Variants in EFNA5 observed in about 807,000 individuals in gnomAD.
EFNA5 encodes the protein ephrin-A5.
EFNA5 carries 5 observed loss-of-function variants against 22.9 expected under a neutral mutation model. The observed-to-expected ratio is 0.22, with a 90% CI of 0.11 to 0.46. The LOEUF is 0.46. EFNA5 is among the 20% of genes least tolerant of loss of function. EFNA5 has a pLI of 0.99. For missense variants in EFNA5, 237 were observed against 293.3 expected, an observed-to-expected ratio of 0.81 and a Z score of 1.40; for synonymous variants, 113 against 112.2, an observed-to-expected ratio of 1.01 and a Z score of -0.04.
At chr5:107,393,594 T>C (rs573793745) in intron 2 of EFNA5, among the ~76,000 whole-genome samples, 1 of 152,298 alleles carries the variant, frequency 6.6e-6, no homozygotes, top group East Asian at 1.9e-4. Flanking sequence ...GGGGGAGCGT[T>C]AAAAATGCAG....
At chr5:107,388,277 G>A (rs2112488681) in intron 2 of EFNA5, among the ~76,000 whole-genome samples, 1 of 152,288 alleles carries the variant, frequency 6.6e-6, no homozygotes, top group East Asian at 1.9e-4. Flanking sequence ...TGTACTGAAA[G>A]CTTGTCTGTC....
At chr5:107,571,308 C>T (rs1311005594) in intron 1 of EFNA5, among the ~76,000 whole-genome samples, 1 of 152,096 alleles carries the variant, frequency 6.6e-6, no homozygotes, top group Non-Finnish European at 1.5e-5. Context: ...GTGGCTCAGG[C>T]GTTCAAGAAA....
intron 1 of EFNA5, among the ~76,000 whole-genome samples, chr5:107,610,985 A>C (rs1311208589): frequency 6.6e-6 from 1 of 152,214 alleles, no homozygotes; most frequent in Non-Finnish European, 1.5e-5. Flanking sequence ...AGAGACACTC[A>C]TGATGACTCA....
rs1747441007 is a variant in EFNA5, at chr5:107,381,042, G to A, written c.*213C>T. 1.7e-6 allele frequency: 1 copy of A among 591,506 alleles called. No individual in the cohort carries two copies. Among genetic ancestry groups the A allele is most frequent in the South Asian group, 3.0e-5 (1 of 32,826 alleles). 36.6% of individuals were successfully genotyped at this position (591,506 alleles called of 1,614,324 possible). On this transcript the variant is annotated 3_prime_UTR_variant, in exon 5 of 5. Transcript: ENST00000333274. ...TGAGAGAAGCCAAGGGCCAGGGCTG[G>A]GGGTGGGGCGGGGTGGGGTGAGGGA...
chr5:107,473,592 T>C (rs1467035561), intron 1 of EFNA5, among the ~76,000 whole-genome samples: 2 of 152,154 alleles, frequency 1.3e-5, no homozygotes, highest in Non-Finnish European at 2.9e-5. Flanking sequence ...CCATGACACA[T>C]TCTTCCAGCT....
chr5:107,512,452 GT>G (rs112494421), intron 1 of EFNA5, among the ~76,000 whole-genome samples: 8 of 151,034 alleles, frequency 5.3e-5, no homozygotes, highest in Admixed American at 2.6e-4. Flanking sequence ...ACTCTAGCCT[GT>G]TTTTTTTTAC....
intron 2 of EFNA5, among the ~76,000 whole-genome samples, chr5:107,418,740 T>C (rs1748573967): frequency 6.6e-6 from 1 of 152,234 alleles, no homozygotes; most frequent in Non-Finnish European, 1.5e-5. Flanking sequence ...TGAATTTCCA[T>C]CAAGTCCTGA....
chr5:107,387,886 A>G (rs1291837128), intron 2 of EFNA5, 115 bp from the exon 3 acceptor site: 1 of 706,856 alleles, frequency 1.4e-6, no homozygotes, highest in South Asian at 2.1e-5. Context: ...GAACAACAGG[A>G]ACTTTCTCTA....
At chr5:107,500,346 A>G (rs184753600) in intron 1 of EFNA5, among the ~76,000 whole-genome samples, 116 of 152,356 alleles carry the variant, frequency 7.6e-4, no homozygotes, top group African/African-American at 2.7e-3. Flanking sequence ...TGCTAAAGAA[A>G]GTATTTGTAG....
intron 1 of EFNA5, among the ~76,000 whole-genome samples, chr5:107,519,309 T>C (rs1483144944): frequency 6.6e-6 from 1 of 152,270 alleles, no homozygotes; most frequent in Non-Finnish European, 1.5e-5. Context: ...GGAGTACATG[T>C]GCTGAAATGT....
intron 1 of EFNA5, among the ~76,000 whole-genome samples, chr5:107,626,379 A>T (rs1750141330): frequency 6.6e-6 from 1 of 152,092 alleles, no homozygotes; most frequent in South Asian, 2.1e-4. Flanking sequence ...CCTGAGCTCA[A>T]AGGATCTTCC....
intron 1 of EFNA5, among the ~76,000 whole-genome samples, chr5:107,464,087 G>A (rs7712393): frequency 0.1 from 15,900 of 152,096 alleles, 912 homozygotes; most frequent in Middle Eastern, 0.14. Context: ...CTACAGTGAG[G>A]GGACAGTAGG....
chr5:107,515,355 TTTTTA>T (rs991668547), intron 1 of EFNA5, among the ~76,000 whole-genome samples: 1 of 130,630 alleles, frequency 7.7e-6, no homozygotes, highest in Non-Finnish European at 1.6e-5. Context: ...TGGTTTTTAT[TTTTTA>T]TTTTATTATT....
chr5:107,507,025 G>A (rs1416738182), intron 1 of EFNA5, among the ~76,000 whole-genome samples: 1 of 151,960 alleles, frequency 6.6e-6, no homozygotes, highest in East Asian at 1.9e-4. Context: ...TACAGAATAT[G>A]GATTAGAGAA....
intron 1 of EFNA5, among the ~76,000 whole-genome samples, chr5:107,458,075 C>T (rs985273709): frequency 2.6e-5 from 4 of 152,146 alleles, no homozygotes; most frequent in African/African-American, 7.2e-5. Flanking sequence ...TTCTACTATA[C>T]GTTGATCATA....
chr5:107,425,432 C>A (rs902830896), intron 2 of EFNA5, among the ~76,000 whole-genome samples: 6 of 152,182 alleles, frequency 3.9e-5, no homozygotes, highest in Non-Finnish European at 8.8e-5. Context: ...TACAGTGAGA[C>A]AACTAATGAG....
At chr5:107,629,780 G>A (rs889343758) in intron 1 of EFNA5, among the ~76,000 whole-genome samples, 2 of 152,330 alleles carry the variant, frequency 1.3e-5, no homozygotes, top group East Asian at 3.9e-4. Flanking sequence ...GATGTGGCTA[G>A]GCATGGTGGC....
intron 1 of EFNA5, among the ~76,000 whole-genome samples, chr5:107,597,121 C>T (rs1193920147): frequency 2.6e-5 from 4 of 152,052 alleles, no homozygotes; most frequent in African/African-American, 4.8e-5. Context: ...TTAAGAAATA[C>T]GTCATTTTAA....
chr5:107,433,595 A>G (rs1749027284), intron 1 of EFNA5, among the ~76,000 whole-genome samples: 1 of 152,188 alleles, frequency 6.6e-6, no homozygotes, highest in Non-Finnish European at 1.5e-5. Flanking sequence ...ATTTAAAGCC[A>G]CTGTTAATAT....
Sources: allele counts gnomAD v4.1 joint callset (sites outside exome capture counted in the v4.1 genomes callset), GRCh38; gene constraint gnomAD v4.1.1; transcripts MANE v1.5; gene names NCBI Gene and HGNC (gene_info 2026-07-23, HGNC 2026-07-21).